Variants in PCDH15 observed in about 807,000 individuals in gnomAD.
PCDH15 encodes the protein protocadherin-15.
PCDH15 carries 129 observed loss-of-function variants against 178.5 expected under a neutral mutation model. That is an observed-to-expected ratio of 0.72 (90% confidence interval 0.63 to 0.84). PCDH15 has a LOEUF of 0.84. Among genes scored for constraint, PCDH15 ranks in the 40% least tolerant of loss-of-function variants. The probability of loss-of-function intolerance (pLI) is 0.00; values close to 1 mark genes in which losing one functional copy is unlikely to be tolerated. For missense variants in PCDH15, 2,230 were observed against 2,099.9 expected (o/e 1.06, Z -1.21); for synonymous variants, 800 against 732.0 (o/e 1.09, Z -1.50).
chr10:53,850,217 A>C (rs1156528034), intron 28 of PCDH15, among the ~76,000 whole-genome samples: 1 of 152,174 alleles, frequency 6.6e-6, no homozygotes, highest in African/African-American at 2.4e-5. Context: ...ACAATTAAAA[A>C]TCCTGCCATA....
At chr10:55,439,470 T>A (rs535628507) in intron 2 of PCDH15, among the ~76,000 whole-genome samples, 2 of 151,884 alleles carry the variant, frequency 1.3e-5, no homozygotes, top group Non-Finnish European at 2.9e-5. Flanking sequence ...CCAGAAAATA[T>A]GAGTAGAAAA....
At chr10:54,603,839 G>C (rs1345627860) in intron 2 of PCDH15, among the ~76,000 whole-genome samples, 3 of 151,952 alleles carry the variant, frequency 2.0e-5, no homozygotes, top group Non-Finnish European at 4.4e-5. Flanking sequence ...GATGGTCCCT[G>C]AGCCTAGAGA....
chr10:53,984,294 C>T (rs368201814), intron 21 of PCDH15, among the ~76,000 whole-genome samples: 17 of 151,658 alleles, frequency 1.1e-4, no homozygotes, highest in African/African-American at 3.6e-4. Flanking sequence ...GGACTACAGG[C>T]GCCCACCACC....
rs1841195231 is a variant in PCDH15 at position 53,806,778 on chromosome 10, G to A, written c.5024C>T (p.Pro1675Leu). The change falls in exon 38 of 38, where the codon CCT (proline) becomes CTT (leucine). Residue 1675 changes from proline to leucine, a missense_variant. Pro to Leu is a moderately conservative substitution (Grantham distance 98). Transcript: ENST00000644397. ...NARPTLVTFAPCPVGTDNTAV... is the reference protein window; with the variant it reads ...NARPTLVTFALCPVGTDNTAV... Reference sequence around the variant, plus strand: ...TGTATTGTCAGTCCCCACAGGGCAAGGGGCAAATGTAACCAGAGTTGGTCT... The same window carrying A: ...TGTATTGTCAGTCCCCACAGGGCAAAGGGCAAATGTAACCAGAGTTGGTCT... 3 of 1,613,754 alleles carry A rather than the reference G, an allele frequency of 1.9e-6. No homozygotes were observed. The highest frequency in any genetic ancestry group is 2.5e-6 in the Non-Finnish European group (3 of 1,179,802).
chr10:54,282,894 G>A (rs913768278), intron 8 of PCDH15, among the ~76,000 whole-genome samples: 7 of 151,994 alleles, frequency 4.6e-5, no homozygotes, highest in Non-Finnish European at 7.4e-5. Context: ...GCTTTGGGGG[G>A]CAGAATGTTA....
chr10:53,978,434 C>A (rs374680931), intron 21 of PCDH15, among the ~76,000 whole-genome samples: 9 of 152,216 alleles, frequency 5.9e-5, no homozygotes, highest in African/African-American at 2.2e-4. Context: ...GGCTAGGATG[C>A]AGGGAACCAA....
intron 1 of PCDH15, among the ~76,000 whole-genome samples, chr10:54,775,111 A>G (rs111712994): frequency 1.3e-5 from 2 of 152,328 alleles, no homozygotes; most frequent in African/African-American, 2.4e-5. Flanking sequence ...GTTAGAGTCT[A>G]CTAAAAAATA....
At chr10:54,559,864 AAAAAAAAAAAGAAAAG>A (rs754657289) in intron 2 of PCDH15, among the ~76,000 whole-genome samples, 18,892 of 124,934 alleles carry the variant, frequency 0.15, 1,555 homozygotes, top group Non-Finnish European at 0.21. Flanking sequence ...AAAAAAAAAA[AAAAAAAAAAAGAAAAG>A]AAAAGGTGGT....
chr10:54,658,830 A>G (rs924107124), intron 2 of PCDH15, among the ~76,000 whole-genome samples: 1 of 152,184 alleles, frequency 6.6e-6, no homozygotes, highest in African/African-American at 2.4e-5. Context: ...TGCTCCACAT[A>G]AAAGATATCA....
At chr10:55,419,091 GC>G (rs1838555759) in intron 2 of PCDH15, among the ~76,000 whole-genome samples, 1 of 151,610 alleles carries the variant, frequency 6.6e-6, no homozygotes, top group African/African-American at 2.4e-5. Flanking sequence ...GTAAATTGAA[GC>G]CCAGCATAAT....
chr10:53,850,735 T>C (rs987687850), intron 28 of PCDH15, among the ~76,000 whole-genome samples: 4 of 152,158 alleles, frequency 2.6e-5, no homozygotes, highest in Non-Finnish European at 4.4e-5. Flanking sequence ...ATGGGTGTGC[T>C]GCATTATCTG....
chr10:55,397,409 C>G (rs1400520117), intron 2 of PCDH15, among the ~76,000 whole-genome samples: 1 of 152,162 alleles, frequency 6.6e-6, no homozygotes, highest in Non-Finnish European at 1.5e-5. Flanking sequence ...CGTCACTCTT[C>G]TGTAAAACAT....
intron 25 of PCDH15, among the ~76,000 whole-genome samples, chr10:53,934,436 C>A (rs1490483680): frequency 1.3e-5 from 2 of 151,950 alleles, no homozygotes; most frequent in African/African-American, 2.4e-5. Context: ...TACCCACATG[C>A]ACAGAAGGCT....
intron 17 of PCDH15, among the ~76,000 whole-genome samples, chr10:54,074,114 A>C (rs2094296913): frequency 6.6e-6 from 1 of 152,240 alleles, no homozygotes; most frequent in African/African-American, 2.4e-5. Flanking sequence ...GGCAAAGCAG[A>C]AAATAGCCAG....
At chr10:55,001,381 C>A (rs573742717) in intron 2 of PCDH15, among the ~76,000 whole-genome samples, 1 of 152,312 alleles carries the variant, frequency 6.6e-6, no homozygotes. Flanking sequence ...GCTCTACACA[C>A]ACACTTGCCA....
At chr10:54,633,085 G>T (rs2093746659) in intron 2 of PCDH15, among the ~76,000 whole-genome samples, 1 of 152,008 alleles carries the variant, frequency 6.6e-6, no homozygotes, top group Non-Finnish European at 1.5e-5. Flanking sequence ...TTTCCATTTG[G>T]TCTAAAACCA....
chr10:54,704,695 A>G (rs879425354), intron 1 of PCDH15, among the ~76,000 whole-genome samples: 5 of 152,072 alleles, frequency 3.3e-5, no homozygotes, highest in Non-Finnish European at 5.9e-5. Context: ...GCATGGTTGC[A>G]AAGAAAAGGA....
intron 3 of PCDH15, among the ~76,000 whole-genome samples, chr10:54,527,206 A>G (rs2083444217): frequency 6.6e-6 from 1 of 152,172 alleles, no homozygotes; most frequent in Non-Finnish European, 1.5e-5. Flanking sequence ...CAGAACAAAA[A>G]CACTAATGAT....
chr10:55,429,504 T>C (rs1838832805), intron 2 of PCDH15, among the ~76,000 whole-genome samples: 1 of 152,174 alleles, frequency 6.6e-6, no homozygotes, highest in Admixed American at 6.5e-5. Context: ...CTGCTGATGC[T>C]TATAAGATTT....
Sources: allele counts gnomAD v4.1 joint callset (sites outside exome capture counted in the v4.1 genomes callset), GRCh38; gene constraint gnomAD v4.1.1; transcripts MANE v1.5; gene names NCBI Gene and HGNC (gene_info 2026-07-23, HGNC 2026-07-21).